SPAG16: variants seen among roughly 807,000 people sequenced by gnomAD.
The protein encoded by SPAG16 is sperm associated antigen 16.
SPAG16 carries 86 observed loss-of-function variants against 80.4 expected under a neutral mutation model. The observed-to-expected ratio is 1.07, with a 90% CI of 0.90 to 1.28. The LOEUF (loss-of-function observed/expected upper bound fraction) is 1.28. Ranked by LOEUF, SPAG16 falls within the 50% of genes most tolerant of loss-of-function variation. SPAG16 has a pLI of 0.00. For missense variants in SPAG16, 870 were observed against 765.3 expected, an observed-to-expected ratio of 1.14 and a Z score of -1.61; for synonymous variants, 294 against 265.9, an observed-to-expected ratio of 1.11 and a Z score of -1.03.
chr2:213,723,712 A>G (rs555355966), intron 10 of SPAG16, among the ~76,000 whole-genome samples: 1 of 152,332 alleles, frequency 6.6e-6, no homozygotes, highest in Admixed American at 6.5e-5. Flanking sequence ...TTTTTAGGTT[A>G]TGAAACAAGT....
At chr2:213,727,101 T>C (rs910267199) in intron 10 of SPAG16, among the ~76,000 whole-genome samples, 2 of 152,200 alleles carry the variant, frequency 1.3e-5, no homozygotes, top group African/African-American at 4.8e-5. Flanking sequence ...TGAATATACA[T>C]TGAAATTTAA....
At position 214,394,996 on chromosome 2, in the gene SPAG16, G is replaced by A. The variant is rs1045747859; in HGVS notation, c.1721-15144G>A. Among the ~76,000 whole-genome samples, 9 of 152,260 alleles carry A rather than the reference G, an allele frequency of 5.9e-5. No homozygotes were observed. In the East Asian group the frequency reaches 1.3e-3, roughly 23 times the overall value. ...TTGGCCGATTGGCTTCTTTCACTTA[G>A]TAGTATGCATTTATGTTTCCTCCAT... On this transcript the variant is annotated intron_variant, in intron 15 of 15. Coordinates refer to ENST00000331683, the MANE Select transcript of SPAG16 (RefSeq NM_024532.5).
chr2:214,090,402 A>G (rs938060910), intron 13 of SPAG16, among the ~76,000 whole-genome samples: 1 of 151,968 alleles, frequency 6.6e-6, no homozygotes, highest in Non-Finnish European at 1.5e-5. Context: ...ACCGGAAAAT[A>G]GACTGTGACG....
intron 15 of SPAG16, among the ~76,000 whole-genome samples, chr2:214,183,599 A>G (rs1209526528): frequency 6.6e-6 from 1 of 152,040 alleles, no homozygotes; most frequent in Non-Finnish European, 1.5e-5. Flanking sequence ...TTTATACCTA[A>G]TTGGCTTGAA....
intron 10 of SPAG16, among the ~76,000 whole-genome samples, chr2:213,686,286 T>G (rs1287930512): frequency 6.6e-6 from 1 of 152,110 alleles, no homozygotes; most frequent in Non-Finnish European, 1.5e-5. Flanking sequence ...GCCCAGCTAA[T>G]TTTTGTATTT....
chr2:213,800,431 A>G (rs957877714), intron 10 of SPAG16, among the ~76,000 whole-genome samples: 13 of 150,526 alleles, frequency 8.6e-5, no homozygotes, highest in Admixed American at 6.6e-4. Flanking sequence ...TGGGGGCACA[A>G]TCATAGCTCA....
chr2:213,383,734 A>G (rs931953055), intron 9 of SPAG16, among the ~76,000 whole-genome samples: 4 of 152,210 alleles, frequency 2.6e-5, no homozygotes, highest in African/African-American at 9.6e-5. Context: ...GCCTATAATC[A>G]TAACACACAA....
At chr2:213,815,914 A>G (rs948222910) in intron 10 of SPAG16, among the ~76,000 whole-genome samples, 3 of 152,166 alleles carry the variant, frequency 2.0e-5, no homozygotes, top group Non-Finnish European at 2.9e-5. Context: ...CATCAAAAAT[A>G]TACTTAGTTG....
chr2:213,508,050 C>T (rs1242931179), intron 10 of SPAG16, among the ~76,000 whole-genome samples: 1 of 152,144 alleles, frequency 6.6e-6, no homozygotes, highest in African/African-American at 2.4e-5. Context: ...TGTGGTGATT[C>T]CTCAGGGATC....
In SPAG16 at chr2:214,354,607, G is replaced by A. The variant is rs1283065647; in HGVS notation, c.1721-55533G>A. Among the ~76,000 whole-genome samples, 12 of 152,116 alleles carry A rather than the reference G, an allele frequency of 7.9e-5. No individual in the cohort carries two copies. The East Asian group carries it at 1.7e-3, about 22-fold the overall frequency. On this transcript the variant is annotated intron_variant, in intron 15 of 15. Coordinates refer to ENST00000331683, the MANE Select transcript of SPAG16 (RefSeq NM_024532.5). ...CCTTGAGCAGTATGGCCATTTTCACGATATTGATTCTTCCTACCCATGAGC... is the reference window on the plus strand; with the variant it reads ...CCTTGAGCAGTATGGCCATTTTCACAATATTGATTCTTCCTACCCATGAGC...
intron 12 of SPAG16, among the ~76,000 whole-genome samples, chr2:213,964,756 C>A (rs550252691): frequency 1.3e-5 from 2 of 152,194 alleles, no homozygotes; most frequent in East Asian, 3.9e-4. Context: ...ATGTTCCAAC[C>A]CACTTTTAAA....
At chr2:213,924,725 AT>A (rs2106222605) in intron 11 of SPAG16, among the ~76,000 whole-genome samples, 1 of 152,190 alleles carries the variant, frequency 6.6e-6, no homozygotes, top group African/African-American at 2.4e-5. Context: ...TCGTGTAAAA[AT>A]CATATAGCTG....
In SPAG16 at chr2:214,025,095, A is replaced by C. The variant is rs563565472; in HGVS notation, c.1527+11018A>C. Reference sequence around the variant, plus strand: ...GGAATAATAATAATTAAATCACAGTATTAGCACTGGGAGTATTTATTTGGA... The same window carrying C: ...GGAATAATAATAATTAAATCACAGTCTTAGCACTGGGAGTATTTATTTGGA... On this transcript the variant is annotated intron_variant, in intron 13 of 15. Coordinates refer to ENST00000331683, the MANE Select transcript of SPAG16 (RefSeq NM_024532.5). 3.4e-4 allele frequency among the ~76,000 whole-genome samples: 51 copies of C among 151,732 alleles called. 1 individual carries two copies. The highest frequency in any genetic ancestry group is 1.2e-3 in the African/African-American group (48 of 41,526).
At chr2:213,796,138 C>G (rs1050039604) in intron 10 of SPAG16, among the ~76,000 whole-genome samples, 1 of 152,074 alleles carries the variant, frequency 6.6e-6, no homozygotes, top group African/African-American at 2.4e-5. Context: ...GTGGGATTCT[C>G]AAATATTTTT....
At chr2:213,617,637 G>A (rs373897170) in intron 10 of SPAG16, among the ~76,000 whole-genome samples, 6 of 152,016 alleles carry the variant, frequency 3.9e-5, no homozygotes, top group African/African-American at 7.2e-5. Context: ...CACTATGCCC[G>A]GCCCAAAATA....
rs145999226 is a variant in SPAG16 at position 213,987,823 on chromosome 2, C to T, written c.1401-26128C>T. Among the ~76,000 whole-genome samples, 1,256 of 146,014 alleles carry T rather than the reference C, an allele frequency of 8.6e-3. 34 individuals are homozygous for T. Among genetic ancestry groups the T allele is most frequent in the East Asian group, 0.084 (421 of 5,032 alleles). ...TTATAAAATATAAAATATATATATA[C>T]ATATTTATATTATAAAAATATAAAA... On this transcript the variant is annotated intron_variant, in intron 12 of 15. Transcript: ENST00000331683.
chr2:213,683,963 A>G (rs560381277), intron 10 of SPAG16, among the ~76,000 whole-genome samples: 7 of 152,202 alleles, frequency 4.6e-5, no homozygotes, highest in Admixed American at 6.5e-5. Flanking sequence ...AAATGTAGGA[A>G]AGCGTTTTGT....
At chr2:213,982,922 T>C (rs543926635) in intron 12 of SPAG16, among the ~76,000 whole-genome samples, 4 of 152,048 alleles carry the variant, frequency 2.6e-5, no homozygotes, top group Non-Finnish European at 5.9e-5. Context: ...TTTTAATAAA[T>C]GTTACAATTA....
At chr2:214,120,585 T>G (rs1170810048) in intron 14 of SPAG16, among the ~76,000 whole-genome samples, 1 of 151,946 alleles carries the variant, frequency 6.6e-6, no homozygotes, top group Non-Finnish European at 1.5e-5. Context: ...TCACTGAAAC[T>G]CTTCTTGAGC....
Sources: allele counts gnomAD v4.1 joint callset (sites outside exome capture counted in the v4.1 genomes callset), GRCh38; gene constraint gnomAD v4.1.1; transcripts MANE v1.5; gene names NCBI Gene and HGNC (gene_info 2026-07-23, HGNC 2026-07-21).